GPR137B: variants seen among roughly 807,000 people sequenced by gnomAD.
GPR137B encodes the protein G protein-coupled receptor 137B.
A neutral mutation model predicts 42.5 loss-of-function variants in GPR137B; 42 were observed. The observed-to-expected ratio is 0.99, with a 90% CI of 0.77 to 1.28. The LOEUF (loss-of-function observed/expected upper bound fraction) is 1.28, where lower values mean the gene tolerates loss of function less well. Among genes scored for constraint, GPR137B ranks in the 50% most tolerant of loss-of-function variants. The probability of loss-of-function intolerance (pLI) is 0.00; values close to 1 mark genes in which losing one functional copy is unlikely to be tolerated. For missense variants in GPR137B, 487 were observed against 493.9 expected (o/e 0.99, Z 0.13); for synonymous variants, 218 against 209.7 (o/e 1.04, Z -0.34).
intron 6 of GPR137B, among the ~76,000 whole-genome samples, chr1:236,205,955 A>G (rs547950109): frequency 1.1e-4 from 17 of 152,388 alleles, no homozygotes; most frequent in Middle Eastern, 3.4e-3. Context: ...GGAACATGAT[A>G]TCTTTAATCA....
In GPR137B at chr1:236,165,017, G is replaced by A. The variant is rs113172597; in HGVS notation, c.415-3689G>A. On this transcript the variant is annotated intron_variant, in intron 1 of 6. Coordinates refer to ENST00000366592, the MANE Select transcript of GPR137B (RefSeq NM_003272.4). ...CCTCCCGGGTTCAAGCAATTCTGCT[G>A]CCTCAGCCTCCCAAGTAGCTGGGAT... 8.5e-3 allele frequency among the ~76,000 whole-genome samples: 1,301 copies of A among 152,220 alleles called. 19 individuals carry two copies. Among genetic ancestry groups the A allele is most frequent in the African/African-American group, 0.029 (1,211 of 41,518 alleles).
chr1:236,194,929 T>C (rs1010378661), intron 5 of GPR137B, among the ~76,000 whole-genome samples: 15 of 152,222 alleles, frequency 9.9e-5, no homozygotes, highest in African/African-American at 3.6e-4. Flanking sequence ...CAAATTGAAC[T>C]ATCTACTTTA....
chr1:236,207,366 TCTTC>T (rs1663694119), intron 6 of GPR137B: 1 of 651,732 alleles, frequency 1.5e-6, no homozygotes, highest in African/African-American at 2.0e-5. Context: ...GAGCTCCACC[TCTTC>T]CTTAAAACTG....
At position 236,178,376 on chromosome 1, in the gene GPR137B, G is replaced by C. The variant is rs374267313; in HGVS notation, c.465-38G>C. 10 of 1,219,562 alleles carry C rather than the reference G, an allele frequency of 8.2e-6. No homozygotes were observed. The African/African-American group carries it at 1.5e-4, about 18-fold the overall frequency. 75.5% of individuals were successfully genotyped at this position (1,219,562 alleles called of 1,614,324 possible). On this transcript the variant is annotated intron_variant, in intron 2 of 6. Transcript: ENST00000366592. ...TCTCAGTGTCCTTCTAGACTGACCTGGGATGTGCAGCTGACAAGTTGCTCT... is the reference window on the plus strand; with the variant it reads ...TCTCAGTGTCCTTCTAGACTGACCTCGGATGTGCAGCTGACAAGTTGCTCT...
At chr1:236,188,737 A>G (rs1453907249) in intron 5 of GPR137B, among the ~76,000 whole-genome samples, 2 of 151,860 alleles carry the variant, frequency 1.3e-5, no homozygotes, top group Non-Finnish European at 2.9e-5. Context: ...GTTATTGAGG[A>G]TTTTCACATT....
Position 236,150,142 on chromosome 1 carries a change from C to T in GPR137B, c.414+7106C>T, listed in dbSNP as rs1290050378. Among the ~76,000 whole-genome samples the T allele has an allele frequency of 1.4e-5, 2 of 141,250 alleles. No homozygotes were observed. The highest frequency in any genetic ancestry group is 7.1e-5 in the Admixed American group (1 of 14,118). 92.7% of individuals were successfully genotyped at this position (141,250 alleles called of 152,430 possible). On this transcript the variant is annotated intron_variant, in intron 1 of 6. Transcript: ENST00000366592. This position sits in a 1 kb window ranked among gnomAD's most constrained non-coding sequence, Gnocchi z 6.2. ...GTGCCTGCGTGTGCCTGTGTGTGTG[C>T]CTCTGTTTGTGTCTGTGCATGTGTG... is the stretch of plus-strand genomic sequence containing the variant.
rs1662020969 is a variant in GPR137B at position 236,156,168 on chromosome 1, C to T, written c.415-12538C>T. 6.6e-6 allele frequency among the ~76,000 whole-genome samples: 1 copy of T among 152,172 alleles called. No homozygotes were observed. Among genetic ancestry groups the T allele is most frequent in the South Asian group, 2.1e-4 (1 of 4,824 alleles). On this transcript the variant is annotated intron_variant, in intron 1 of 6. Transcript: ENST00000366592. The surrounding 1 kb of genome is among the most constrained non-coding windows in gnomAD (Gnocchi z 4.8). ...GCTTCTGATCACGTGGGAAGAAGCTCACTGAAGTCTGGGGGGCCCACATTC... is the reference window on the plus strand; with the variant it reads ...GCTTCTGATCACGTGGGAAGAAGCTTACTGAAGTCTGGGGGGCCCACATTC...
chr1:236,166,493 C>CATTATATATATTTATATATATA (rs1215794415), intron 1 of GPR137B, among the ~76,000 whole-genome samples: 1,730 of 136,934 alleles, frequency 0.013, 60 homozygotes, highest in African/African-American at 0.048. Flanking sequence ...TTTATATATA[C>CATTATATATATTTATATATATA]ATATATATAT....
At chr1:236,180,357 G>A (rs1208520060) in intron 4 of GPR137B, among the ~76,000 whole-genome samples, 2 of 150,310 alleles carry the variant, frequency 1.3e-5, no homozygotes, top group Non-Finnish European at 2.9e-5. Flanking sequence ...TGTGGAACCC[G>A]CTGATATGGA....
At chr1:236,178,713 T>C in intron 3 of GPR137B, 77 bp downstream of exon 3, 4 of 935,800 alleles carry the variant, frequency 4.3e-6, no homozygotes, top group South Asian at 1.4e-5. Flanking sequence ...AAAGTACATT[T>C]TGATGAATTT....
chr1:236,174,935 C>G (rs1469127158), intron 2 of GPR137B, among the ~76,000 whole-genome samples: 1 of 152,134 alleles, frequency 6.6e-6, no homozygotes, highest in East Asian at 1.9e-4. Context: ...GGAAATGAGT[C>G]TGGAACTCAG....
intron 5 of GPR137B, among the ~76,000 whole-genome samples, chr1:236,192,423 C>T (rs1404329070): frequency 6.6e-6 from 1 of 151,886 alleles, no homozygotes; most frequent in Non-Finnish European, 1.5e-5. Context: ...CAGTGTCTGC[C>T]CAAATGGCCG....
chr1:236,161,367 C>T (rs1215812582), intron 1 of GPR137B, among the ~76,000 whole-genome samples: 2 of 152,000 alleles, frequency 1.3e-5, no homozygotes, highest in Non-Finnish European at 2.9e-5. Context: ...TCTCTCCTCA[C>T]CCCCTCCCTC....
At position 236,150,106 on chromosome 1, in the gene GPR137B, T is replaced by A. The variant is rs1661807239; in HGVS notation, c.414+7070T>A. Among the ~76,000 whole-genome samples, 1 of 150,064 alleles carries A rather than the reference T, an allele frequency of 6.7e-6. No individual in the cohort carries two copies. Among genetic ancestry groups the A allele is most frequent in the Non-Finnish European group, 1.5e-5 (1 of 67,420 alleles). On this transcript the variant is annotated intron_variant, in intron 1 of 6. Transcript: ENST00000366592. The surrounding 1 kb of genome is among the most constrained non-coding windows in gnomAD (Gnocchi z 6.2). ...GTCTGTGCATGTGTGTGTCTGTGCC[T>A]GTGTATGTCTGTGCCTGCGTGTGCC...
chr1:236,201,759 A>G (rs1239227116), intron 5 of GPR137B, among the ~76,000 whole-genome samples: 1 of 151,930 alleles, frequency 6.6e-6, no homozygotes, highest in Non-Finnish European at 1.5e-5. Context: ...TTATCTGGCA[A>G]TTCAGGTATT....
intron 5 of GPR137B, among the ~76,000 whole-genome samples, chr1:236,188,993 T>G (rs1187010326): frequency 6.6e-6 from 1 of 152,234 alleles, no homozygotes; most frequent in African/African-American, 2.4e-5. Flanking sequence ...TGCCTCAATT[T>G]CAGAACTTGT....
intron 2 of GPR137B, among the ~76,000 whole-genome samples, chr1:236,170,132 G>A (rs940541281): frequency 6.6e-6 from 1 of 151,810 alleles, no homozygotes; most frequent in African/African-American, 2.4e-5. Context: ...GGGGTGCAGT[G>A]TGAGTCCAGG....
At chr1:236,161,489 ACCT>A (rs903495265) in intron 1 of GPR137B, among the ~76,000 whole-genome samples, 34 of 150,956 alleles carry the variant, frequency 2.3e-4, no homozygotes, top group South Asian at 4.2e-4. Context: ...CACACTTCAC[ACCT>A]CCTCACGCCT....
chr1:236,192,640 C>T (rs1663226262), intron 5 of GPR137B, among the ~76,000 whole-genome samples: 1 of 152,136 alleles, frequency 6.6e-6, no homozygotes, highest in Non-Finnish European at 1.5e-5. Context: ...ACACCCCACC[C>T]TGCTTCGGCT....
Sources: allele counts gnomAD v4.1 joint callset (sites outside exome capture counted in the v4.1 genomes callset), GRCh38; gene constraint gnomAD v4.1.1; non-coding constraint Gnocchi (gnomAD v3.1); transcripts MANE v1.5; gene names NCBI Gene and HGNC (gene_info 2026-07-23, HGNC 2026-07-21).